EHBP1: variants seen among roughly 807,000 people sequenced by gnomAD.
The protein encoded by EHBP1 is EH domain binding protein 1, also known as EH domain-binding protein 1.
A neutral mutation model predicts 144.0 loss-of-function variants in EHBP1; 55 were observed. The observed-to-expected ratio is 0.38, with a 90% confidence interval of 0.31 to 0.48. EHBP1 has a LOEUF of 0.48. EHBP1 is among the 20% of genes least tolerant of loss of function. The pLI, the probability that EHBP1 is intolerant of heterozygous loss-of-function variation, is 0.98. For missense variants in EHBP1, 1,200 were observed against 1,364.2 expected (o/e 0.88, Z 1.90); for synonymous variants, 469 against 472.7 (o/e 0.99, Z 0.10).
At chr2:62,757,553 T>G (rs772922534) in intron 3 of EHBP1, among the ~76,000 whole-genome samples, 1 of 151,036 alleles carries the variant, frequency 6.6e-6, no homozygotes, top group Admixed American at 6.6e-5. Flanking sequence ...CCTGCCTTAG[T>G]CTCCCGAGTA....
intron 10 of EHBP1, among the ~76,000 whole-genome samples, chr2:62,916,846 C>T (rs994254005): frequency 1.3e-5 from 2 of 149,698 alleles, no homozygotes; most frequent in African/African-American, 4.9e-5. Context: ...TAAATATATT[C>T]ATTGTGTATA....
In EHBP1 at chr2:62,953,205, G is replaced by A. The variant is rs11684744; in HGVS notation, c.2317-2312G>A. Among the ~76,000 whole-genome samples, 536 of 88,514 alleles carry A rather than the reference G, an allele frequency of 6.1e-3. 2 individuals are homozygous for A. Among genetic ancestry groups the A allele is most frequent in the Middle Eastern group, 0.037 (3 of 80 alleles). 58.1% of individuals were successfully genotyped at this position (88,514 alleles called of 152,430 possible). ...GTACTCCGGCCTGGGCAACAAGAGCGAAAGTCCGTCTCAAAAAAAAAAAAA... is the reference window on the plus strand; with the variant it reads ...GTACTCCGGCCTGGGCAACAAGAGCAAAAGTCCGTCTCAAAAAAAAAAAAA... On this transcript the variant is annotated intron_variant, in intron 13 of 22. Transcript: ENST00000431489.
Position 62,747,562 on chromosome 2 carries a change from T to TC in EHBP1, c.162+111dup, listed in dbSNP as rs527674822. On this transcript the variant is annotated intron_variant, in intron 3 of 22. Coordinates refer to ENST00000431489, the MANE Select transcript of EHBP1 (RefSeq NM_001142616.3). ...TATTACTTGATGTTTTGTTTTTTTTTCTTGATTGTCTACTGAAAATGGATT... is the reference window on the plus strand; with the variant it reads ...TATTACTTGATGTTTTGTTTTTTTTTCCTTGATTGTCTACTGAAAATGGATT... 872 of 830,518 alleles carry TC rather than the reference T, an allele frequency of 1.0e-3. 14 individuals are homozygous for TC. In the East Asian group the frequency reaches 0.022, roughly 21 times the overall value. 51.4% of individuals were successfully genotyped at this position (830,518 alleles called of 1,614,324 possible).
At chr2:62,828,343 G>A (rs2046497331) in intron 6 of EHBP1, among the ~76,000 whole-genome samples, 1 of 152,044 alleles carries the variant, frequency 6.6e-6, no homozygotes, top group African/African-American at 2.4e-5. Context: ...GAAATTTAAG[G>A]TGAAAATAAT....
chr2:62,863,500 G>A lies in EHBP1; in HGVS notation c.758-1231G>A, dbSNP rs572320661. Among the ~76,000 whole-genome samples, 185 of 152,244 alleles carry A rather than the reference G, an allele frequency of 1.2e-3. 1 individual carries two copies. Among genetic ancestry groups the A allele is most frequent in the African/African-American group, 3.9e-3 (163 of 41,560 alleles). On this transcript the variant is annotated intron_variant, in intron 8 of 22. Coordinates refer to ENST00000431489, the MANE Select transcript of EHBP1 (RefSeq NM_001142616.3). The stretch of plus-strand genomic sequence containing the variant: ...CAAATTAAAATTTGAAATAATAAAA[G>A]CTAGAAAAACTTGATATATCTATCA...
At chr2:62,975,015 TTGTC>T (rs1477093287) in intron 14 of EHBP1, among the ~76,000 whole-genome samples, 2 of 152,188 alleles carry the variant, frequency 1.3e-5, no homozygotes, top group Non-Finnish European at 2.9e-5. Context: ...CTGTTCCACA[TTGTC>T]TGAGACATCA....
At chr2:62,923,776 C>T (rs1464559648) in intron 10 of EHBP1, among the ~76,000 whole-genome samples, 3 of 152,184 alleles carry the variant, frequency 2.0e-5, no homozygotes, top group Non-Finnish European at 2.9e-5. Context: ...TCACCCCTGG[C>T]AGGCATGCCC....
At chr2:62,689,559 G>A (rs1329712885) in intron 1 of EHBP1, among the ~76,000 whole-genome samples, 3 of 152,190 alleles carry the variant, frequency 2.0e-5, no homozygotes, top group Non-Finnish European at 4.4e-5. Flanking sequence ...CAGGAGAATT[G>A]CTTGAACCCA....
At chr2:62,838,241 C>T (rs2047462885) in intron 7 of EHBP1, among the ~76,000 whole-genome samples, 1 of 152,164 alleles carries the variant, frequency 6.6e-6, no homozygotes, top group African/African-American at 2.4e-5. Context: ...TGAATGACTA[C>T]TGGGTACATA....
intron 10 of EHBP1, among the ~76,000 whole-genome samples, chr2:62,939,482 C>T (rs2056606373): frequency 6.6e-6 from 1 of 152,094 alleles, no homozygotes. Context: ...ACCATGCTGG[C>T]CAGGCCAGTC....
At chr2:62,728,526 T>G (rs1247672131) in intron 2 of EHBP1, among the ~76,000 whole-genome samples, 1 of 152,250 alleles carries the variant, frequency 6.6e-6, no homozygotes, top group Non-Finnish European at 1.5e-5. Flanking sequence ...CATATGCTTA[T>G]AGACCATTTA....
chr2:62,690,092 G>A (rs549036518), intron 1 of EHBP1, among the ~76,000 whole-genome samples: 2 of 152,300 alleles, frequency 1.3e-5, no homozygotes, highest in East Asian at 3.9e-4. Flanking sequence ...AGAGTAGAAG[G>A]ACTGGGCCAT....
chr2:63,022,996 G>C (rs2060821832), intron 19 of EHBP1, among the ~76,000 whole-genome samples: 1 of 152,038 alleles, frequency 6.6e-6, no homozygotes, highest in South Asian at 2.1e-4. Flanking sequence ...CAATATGTCA[G>C]AACCCTATCT....
chr2:62,812,653 A>G, intron 5 of EHBP1, among the ~76,000 whole-genome samples: 1 of 152,196 alleles, frequency 6.6e-6, no homozygotes, highest in East Asian at 1.9e-4. Context: ...AGTTGCAAAG[A>G]ATTTGGCTAA....
chr2:62,807,479 C>A lies in EHBP1; in HGVS notation c.313-18608C>A, dbSNP rs538635963. Among the ~76,000 whole-genome samples the A allele has an allele frequency of 1.4e-3, 215 of 152,188 alleles. 2 individuals carry two copies. The highest frequency in any genetic ancestry group is 5.0e-3 in the African/African-American group (206 of 41,532). On this transcript the variant is annotated intron_variant, in intron 5 of 22. Transcript: ENST00000431489. ...AGGAGAATCACTTGAACCCAGGAGG[C>A]GGAGGTTGCAGTGAGCTGAACTGGC...
chr2:63,032,990 A>G (rs529898907), intron 19 of EHBP1, among the ~76,000 whole-genome samples: 1 of 152,342 alleles, frequency 6.6e-6, no homozygotes, highest in Non-Finnish European at 1.5e-5. Context: ...AGATTCTTCT[A>G]TGCTGATGCT....
intron 5 of EHBP1, among the ~76,000 whole-genome samples, chr2:62,815,572 C>A (rs1288178020): frequency 6.6e-6 from 1 of 152,092 alleles, no homozygotes; most frequent in East Asian, 1.9e-4. Context: ...ACTAAAGTAG[C>A]CACTTTTTTC....
intron 7 of EHBP1, among the ~76,000 whole-genome samples, chr2:62,838,135 ACTAT>A (rs2047450322): frequency 4.0e-5 from 6 of 151,670 alleles, no homozygotes. Flanking sequence ...ATTATAACAA[ACTAT>A]CTCTCAGACC....
At chr2:62,933,569 G>C (rs1198026379) in intron 10 of EHBP1, among the ~76,000 whole-genome samples, 1 of 152,036 alleles carries the variant, frequency 6.6e-6, no homozygotes, top group Non-Finnish European at 1.5e-5. Context: ...ATTGATTCCC[G>C]TACTCATGTA....
Sources: allele counts gnomAD v4.1 joint callset (sites outside exome capture counted in the v4.1 genomes callset), GRCh38; gene constraint gnomAD v4.1.1; transcripts MANE v1.5; gene names NCBI Gene and HGNC (gene_info 2026-07-23, HGNC 2026-07-21).